COL15A1: variants seen among roughly 807,000 people sequenced by gnomAD.
The protein encoded by COL15A1 is collagen alpha-1(XV) chain.
Under a neutral mutation model 165.9 loss-of-function variants are expected in COL15A1, and 111 were observed. The observed-to-expected ratio is 0.67, with a 90% confidence interval of 0.57 to 0.78. The LOEUF (loss-of-function observed/expected upper bound fraction) is 0.78. Among genes scored for constraint, COL15A1 ranks in the 30% least tolerant of loss-of-function variants. COL15A1 has a pLI of 0.00. For missense variants in COL15A1, 1,745 were observed against 1,789.7 expected (o/e 0.98, Z 0.45); for synonymous variants, 659 against 674.8 (o/e 0.98, Z 0.36).
At chr9:98,965,257 A>G (rs1299374514) in intron 2 of COL15A1, among the ~76,000 whole-genome samples, 1 of 152,230 alleles carries the variant, frequency 6.6e-6, no homozygotes, top group Non-Finnish European at 1.5e-5. Flanking sequence ...TGCCTGTTGC[A>G]TAAATTTTAG....
At chr9:98,971,466 A>T (rs557932256) in intron 2 of COL15A1, among the ~76,000 whole-genome samples, 4 of 151,950 alleles carry the variant, frequency 2.6e-5, no homozygotes, top group African/African-American at 7.2e-5. Flanking sequence ...GAAAGTCCGT[A>T]CACCGAGAAG....
intron 21 of COL15A1, 67 bp downstream of exon 21, chr9:99,036,463 G>A: frequency 6.5e-7 from 1 of 1,549,936 alleles, no homozygotes; most frequent in Non-Finnish European, 8.9e-7. Context: ...GGAGAAGGTT[G>A]TCCATGACTT....
At chr9:98,979,040 A>G (rs1490653163) in intron 2 of COL15A1, among the ~76,000 whole-genome samples, 1 of 152,120 alleles carries the variant, frequency 6.6e-6, no homozygotes, top group Non-Finnish European at 1.5e-5. Flanking sequence ...ATTGTTTCAT[A>G]TTAGTACTTA....
intron 11 of COL15A1, among the ~76,000 whole-genome samples, chr9:99,018,068 G>A (rs965797712): frequency 3.9e-5 from 6 of 152,112 alleles, no homozygotes; most frequent in Non-Finnish European, 8.8e-5. Flanking sequence ...AATGTGTATG[G>A]CTGATAGAGT....
At position 99,018,053 on chromosome 9, in the gene COL15A1, A is replaced by G. The variant is rs560742642; in HGVS notation, c.1647+1934A>G. Among the ~76,000 whole-genome samples the G allele has an allele frequency of 6.0e-4, 91 of 152,352 alleles. 1 individual carries two copies. Among genetic ancestry groups the G allele is most frequent in the African/African-American group, 2.0e-3 (83 of 41,578 alleles). ...CCTATCATTTATTTAACTGGTAAAT[A>G]ATTCAATGTGTATGGCTGATAGAGT... is the stretch of plus-strand genomic sequence containing the variant. On this transcript the variant is annotated intron_variant, in intron 11 of 41. Coordinates refer to ENST00000375001, the MANE Select transcript of COL15A1 (RefSeq NM_001855.5).
chr9:99,010,656 T>C (rs2118975245), intron 9 of COL15A1, among the ~76,000 whole-genome samples: 1 of 152,354 alleles, frequency 6.6e-6, no homozygotes, highest in South Asian at 2.1e-4. Flanking sequence ...CCTGCATTCA[T>C]GATAAACAGT....
chr9:99,054,759 C>A, intron 32 of COL15A1, 103 bp downstream of exon 32: 1 of 1,246,514 alleles, frequency 8.0e-7, no homozygotes, highest in Non-Finnish European at 1.1e-6. Context: ...TAATGACATT[C>A]CACCCTGACC....
At chr9:99,021,365 T>C (rs1165531469) in intron 12 of COL15A1, among the ~76,000 whole-genome samples, 1 of 148,780 alleles carries the variant, frequency 6.7e-6, no homozygotes, top group East Asian at 2.0e-4. Flanking sequence ...GGAGCAGGGC[T>C]CTGGGGTGTA....
Position 99,005,049 on chromosome 9 carries a change from T to TAA in COL15A1, c.1352_1353insAA (p.Gly452ArgfsTer9), listed in dbSNP as rs1415860116. 2 of 1,603,136 alleles carry TAA rather than the reference T, an allele frequency of 1.2e-6. No homozygotes were observed. Among genetic ancestry groups the TAA allele is most frequent in the Non-Finnish European group, 1.7e-6 (2 of 1,175,012 alleles). On this transcript the variant is annotated frameshift_variant and splice_region_variant, in exon 9 of 42. Transcript: ENST00000375001. LOFTEE classifies it high-confidence loss of function. ...CAGAGCCTCGGGGAAGAGGCCACTGTGGTAAGGATCGTACAGTGCCCAAAG... is the reference window on the plus strand; with the variant it reads ...CAGAGCCTCGGGGAAGAGGCCACTGTAAGGTAAGGATCGTACAGTGCCCAAAG...
chr9:98,987,246 T>G (rs377702589), intron 3 of COL15A1, 48 bp from the exon 4 acceptor site: 5 of 1,555,386 alleles, frequency 3.2e-6, no homozygotes, highest in Non-Finnish European at 4.4e-6. Context: ...CTGGCAGTCA[T>G]GCTGTGTACG....
At chr9:99,064,936 C>A (rs1209312887) in intron 39 of COL15A1, among the ~76,000 whole-genome samples, 1 of 152,132 alleles carries the variant, frequency 6.6e-6, no homozygotes, top group Non-Finnish European at 1.5e-5. Flanking sequence ...AAAATGTCAA[C>A]AATGCATGAA....
At chr9:98,963,488 C>T (rs892811471) in intron 2 of COL15A1, among the ~76,000 whole-genome samples, 4 of 152,182 alleles carry the variant, frequency 2.6e-5, no homozygotes, top group African/African-American at 7.2e-5. Context: ...TCTGGAACTA[C>T]GTCTTCTGAT....
At chr9:98,990,582 C>T (rs1447051526) in intron 5 of COL15A1, among the ~76,000 whole-genome samples, 8 of 152,214 alleles carry the variant, frequency 5.3e-5, no homozygotes, top group Middle Eastern at 3.2e-3. Flanking sequence ...CAATTCACAG[C>T]GAAGCCAACT....
intron 35 of COL15A1, 116 bp downstream of exon 35, chr9:99,056,520 C>A: frequency 7.2e-7 from 1 of 1,392,490 alleles, no homozygotes; most frequent in African/African-American, 1.5e-5. Context: ...TCCTGGATAC[C>A]GCCTTCTTTC....
chr9:99,067,376 A>T (rs1047974711), intron 40 of COL15A1, among the ~76,000 whole-genome samples: 2 of 152,162 alleles, frequency 1.3e-5, no homozygotes, highest in African/African-American at 4.8e-5. Flanking sequence ...AGAGTTATTC[A>T]TTTTTTAGTT....
intron 2 of COL15A1, among the ~76,000 whole-genome samples, chr9:98,957,653 C>T (rs1837798927): frequency 6.6e-6 from 1 of 152,020 alleles, no homozygotes; most frequent in Admixed American, 6.6e-5. Context: ...AAAAACCAGA[C>T]TAGGGTTATT....
At chr9:99,051,317 G>A (rs971073814) in intron 30 of COL15A1, among the ~76,000 whole-genome samples, 5 of 152,142 alleles carry the variant, frequency 3.3e-5, no homozygotes, top group African/African-American at 7.2e-5. Flanking sequence ...TTTGGGGGTC[G>A]TGGGGATACC....
At chr9:99,059,835 G>A in intron 35 of COL15A1, 54 bp from the exon 36 acceptor site, 1 of 1,603,462 alleles carries the variant, frequency 6.2e-7, no homozygotes, top group Non-Finnish European at 8.5e-7. Flanking sequence ...TGATACCTCA[G>A]ACATTTTTCA....
At chr9:99,047,372 G>T (rs1429835247) in intron 26 of COL15A1, among the ~76,000 whole-genome samples, 1 of 152,070 alleles carries the variant, frequency 6.6e-6, no homozygotes, top group Non-Finnish European at 1.5e-5. Flanking sequence ...GGCGAGGCAG[G>T]GCTGCGTTAT....
Sources: gnomAD v4.1 joint callset for allele counts (sites outside exome capture counted in the v4.1 genomes callset) on GRCh38, gnomAD v4.1.1 for gene constraint, MANE v1.5 for transcripts, NCBI Gene and HGNC (gene_info 2026-07-23, HGNC 2026-07-21) for gene names.